Variants in TRPM3 observed in about 807,000 individuals in gnomAD.
TRPM3 encodes the protein long transient receptor potential channel 3.
In TRPM3, 77 loss-of-function variants were observed where a neutral mutation model predicts 181.2. That is an observed-to-expected ratio of 0.42 (90% CI 0.35 to 0.51). The LOEUF (loss-of-function observed/expected upper bound fraction) is 0.51, where lower values mean the gene tolerates loss of function less well. Among genes scored for constraint, TRPM3 ranks in the 20% least tolerant of loss-of-function variants. The pLI, the probability that TRPM3 is intolerant of heterozygous loss-of-function variation, is 0.01. For synonymous variants in TRPM3, 745 were observed against 796.4 expected (o/e 0.94, Z 1.09); for missense variants, 1,759 against 2,196.7 (o/e 0.80, Z 3.98).
At chr9:70,619,567 T>C (rs899569797) in intron 16 of TRPM3, among the ~76,000 whole-genome samples, 2 of 151,586 alleles carry the variant, frequency 1.3e-5, no homozygotes, top group African/African-American at 2.4e-5. Flanking sequence ...GCGTGCACCA[T>C]CACACCCAGC....
chr9:71,066,787 G>C (rs963040110), intron 1 of TRPM3, among the ~76,000 whole-genome samples: 1 of 152,028 alleles, frequency 6.6e-6, no homozygotes, highest in Non-Finnish European at 1.5e-5. Context: ...TTTCCTATGT[G>C]GTCTATCCAC....
At chr9:70,743,557 G>C (rs1311530809) in intron 8 of TRPM3, among the ~76,000 whole-genome samples, 2 of 152,090 alleles carry the variant, frequency 1.3e-5, no homozygotes, top group East Asian at 1.9e-4. Flanking sequence ...GTTTCCGATT[G>C]GGTGGGAGGT....
At chr9:71,135,581 C>A (rs116611144) in intron 1 of TRPM3, among the ~76,000 whole-genome samples, 168 of 152,260 alleles carry the variant, frequency 1.1e-3, no homozygotes, top group African/African-American at 3.8e-3. Context: ...CAAAATAAGG[C>A]ATTTTCAGCA....
intron 1 of TRPM3, among the ~76,000 whole-genome samples, chr9:71,014,749 C>G (rs555867895): frequency 7.2e-5 from 11 of 152,178 alleles, no homozygotes; most frequent in African/African-American, 2.6e-4. Context: ...ATATTGTATA[C>G]AACATTGAGT....
intron 8 of TRPM3, among the ~76,000 whole-genome samples, chr9:70,758,712 C>T (rs1203976369): frequency 6.6e-6 from 1 of 152,136 alleles, no homozygotes; most frequent in South Asian, 2.1e-4. Context: ...ACAAACCTGA[C>T]AAAAACAAGC....
chr9:70,671,354 G>A (rs1047698805), intron 9 of TRPM3, among the ~76,000 whole-genome samples: 5 of 152,000 alleles, frequency 3.3e-5, no homozygotes, highest in Non-Finnish European at 4.4e-5. Context: ...AGTGGGAGCT[G>A]GGCTGAGAGG....
intron 1 of TRPM3, among the ~76,000 whole-genome samples, chr9:71,005,171 G>T (rs748535895): frequency 6.7e-6 from 1 of 149,450 alleles, no homozygotes; most frequent in African/African-American, 2.6e-5. Context: ...ACTTAGGAAG[G>T]CCAGGTGGGC....
intron 1 of TRPM3, among the ~76,000 whole-genome samples, chr9:71,095,026 T>C (rs2066897227): frequency 6.6e-6 from 1 of 152,126 alleles, no homozygotes; most frequent in Non-Finnish European, 1.5e-5. Context: ...AAACAACCAC[T>C]TTGTATTCAG....
intron 7 of TRPM3, among the ~76,000 whole-genome samples, chr9:70,770,956 T>A (rs1217579100): frequency 6.6e-6 from 1 of 152,162 alleles, no homozygotes; most frequent in Non-Finnish European, 1.5e-5. Flanking sequence ...GAAATTCGGA[T>A]GAAGTAGGCC....
intron 1 of TRPM3, among the ~76,000 whole-genome samples, chr9:71,109,086 T>C (rs1453351214): frequency 1.3e-5 from 2 of 152,176 alleles, no homozygotes; most frequent in Non-Finnish European, 2.9e-5. Context: ...TCAGATTTTA[T>C]CTGCAACATC....
At chr9:71,168,516 T>TC (rs2076649366) in intron 1 of TRPM3, among the ~76,000 whole-genome samples, 2 of 141,916 alleles carry the variant, frequency 1.4e-5, no homozygotes, top group South Asian at 2.2e-4. Context: ...TTTTCTTTTT[T>TC]TTTTTTTTTT....
intron 1 of TRPM3, among the ~76,000 whole-genome samples, chr9:71,191,060 C>T (rs919427497): frequency 6.6e-6 from 1 of 151,772 alleles, no homozygotes; most frequent in Non-Finnish European, 1.5e-5. Flanking sequence ...TAGGCCCCTA[C>T]GAGGGAGCCA....
intron 1 of TRPM3, among the ~76,000 whole-genome samples, chr9:71,061,695 C>T (rs564603351): frequency 7.1e-4 from 108 of 152,150 alleles, no homozygotes; most frequent in Admixed American, 1.6e-3. Flanking sequence ...TGCTGCCATA[C>T]CTCATTGCTG....
intron 9 of TRPM3, among the ~76,000 whole-genome samples, chr9:70,659,304 G>T (rs560564687): frequency 6.6e-6 from 1 of 152,026 alleles, no homozygotes; most frequent in Non-Finnish European, 1.5e-5. Context: ...GTTCCTGACC[G>T]GTGGTAAGTA....
intron 6 of TRPM3, among the ~76,000 whole-genome samples, chr9:70,800,219 T>A (rs994116789): frequency 1.3e-5 from 2 of 152,256 alleles, no homozygotes; most frequent in African/African-American, 4.8e-5. Context: ...CAAATGGAAC[T>A]AAAACAAAGT....
At chr9:70,961,921 A>T (rs1241287973) in intron 1 of TRPM3, among the ~76,000 whole-genome samples, 2 of 152,164 alleles carry the variant, frequency 1.3e-5, no homozygotes, top group Admixed American at 1.3e-4. Flanking sequence ...AGATTTTCAT[A>T]GAGACTCTAA....
intron 14 of TRPM3, among the ~76,000 whole-genome samples, chr9:70,623,081 G>C (rs1386362581): frequency 1.3e-5 from 2 of 151,986 alleles, no homozygotes; most frequent in Non-Finnish European, 2.9e-5. Context: ...AAAAATCATG[G>C]CTCCACACAG....
chr9:71,338,397 G>A (rs887833712), intron 1 of TRPM3, among the ~76,000 whole-genome samples: 3 of 152,128 alleles, frequency 2.0e-5, no homozygotes, highest in Non-Finnish European at 4.4e-5. Flanking sequence ...TGTGTCATAC[G>A]TAGTATGTCC....
intron 1 of TRPM3, among the ~76,000 whole-genome samples, chr9:71,382,688 C>CT (rs11449039): frequency 0.5 from 73,580 of 146,510 alleles, 18,651 homozygotes; most frequent in Non-Finnish European, 0.55. Context: ...TCTGTATAGT[C>CT]TTTTTTTTTT....
Sources: allele counts gnomAD v4.1 joint callset (sites outside exome capture counted in the v4.1 genomes callset), GRCh38; gene constraint gnomAD v4.1.1; transcripts MANE v1.5; gene names NCBI Gene and HGNC (gene_info 2026-07-23, HGNC 2026-07-21).